Variants in CTNNA2 observed in about 807,000 individuals in gnomAD.
CTNNA2 encodes the protein catenin alpha 2, also known as catenin alpha-2.
CTNNA2 carries 42 observed loss-of-function variants against 101.0 expected under a neutral mutation model. That is an observed-to-expected ratio of 0.42 (90% CI 0.32 to 0.54). The LOEUF (loss-of-function observed/expected upper bound fraction) is 0.54, where lower values mean the gene tolerates loss of function less well. CTNNA2 is among the 20% of genes least tolerant of loss of function. CTNNA2 has a pLI of 0.14. For synonymous variants in CTNNA2, 450 were observed against 456.4 expected (o/e 0.99, Z 0.18); for missense variants, 871 against 1,223.1 (o/e 0.71, Z 4.29).
chr2:80,154,412 G>T (rs1279711551), intron 7 of CTNNA2, among the ~76,000 whole-genome samples: 1 of 152,154 alleles, frequency 6.6e-6, no homozygotes, highest in African/African-American at 2.4e-5. Flanking sequence ...GCTTATCACG[G>T]TGTGGGTTTC....
intron 3 of CTNNA2, among the ~76,000 whole-genome samples, chr2:79,353,503 G>C (rs1349593337): frequency 1.3e-5 from 2 of 151,900 alleles, no homozygotes; most frequent in Non-Finnish European, 2.9e-5. Flanking sequence ...CCTCTTTTTT[G>C]TTTACCATTT....
chr2:79,444,299 T>A (rs1019840952), intron 4 of CTNNA2, among the ~76,000 whole-genome samples: 1 of 152,130 alleles, frequency 6.6e-6, no homozygotes, highest in African/African-American at 2.4e-5. Context: ...GATATTTGAC[T>A]TTTTTCCCAA....
chr2:79,523,747 G>A (rs376276337), intron 1 of CTNNA2, among the ~76,000 whole-genome samples: 32 of 152,176 alleles, frequency 2.1e-4, no homozygotes, highest in African/African-American at 6.7e-4. Flanking sequence ...TTGCCAATAC[G>A]TGATAATTTT....
intron 9 of CTNNA2, among the ~76,000 whole-genome samples, chr2:80,480,054 A>G (rs1358144935): frequency 2.0e-5 from 3 of 152,194 alleles, no homozygotes; most frequent in Admixed American, 6.5e-5. Context: ...TTTTCCTTAC[A>G]TAATTTTCTA....
chr2:80,294,085 A>G (rs531731917), intron 7 of CTNNA2, among the ~76,000 whole-genome samples: 30 of 152,238 alleles, frequency 2.0e-4, no homozygotes, highest in African/African-American at 6.3e-4. Flanking sequence ...GACACAACCA[A>G]TCAGAGAAGG....
chr2:79,727,824 A>G (rs1359636078), intron 2 of CTNNA2, among the ~76,000 whole-genome samples: 2 of 146,114 alleles, frequency 1.4e-5, no homozygotes, highest in Admixed American at 7.1e-5. Context: ...GAGAATATGC[A>G]GTGTTTGGTT....
intron 2 of CTNNA2, among the ~76,000 whole-genome samples, chr2:79,206,254 A>T (rs1467098421): frequency 6.6e-6 from 1 of 152,008 alleles, no homozygotes; most frequent in East Asian, 1.9e-4. Flanking sequence ...GCAATTATGG[A>T]AAAAAAGTTT....
At chr2:80,185,699 T>A (rs1706079029) in intron 7 of CTNNA2, among the ~76,000 whole-genome samples, 1 of 152,178 alleles carries the variant, frequency 6.6e-6, no homozygotes, top group Admixed American at 6.5e-5. Context: ...GAGCGGCATG[T>A]TAAATGATCC....
intron 7 of CTNNA2, among the ~76,000 whole-genome samples, chr2:80,102,808 T>C (rs1471284793): frequency 1.3e-5 from 2 of 152,140 alleles, no homozygotes; most frequent in Non-Finnish European, 2.9e-5. Flanking sequence ...CACTGCACCC[T>C]GCCCTAGTCC....
chr2:79,373,664 G>A (rs551800250), intron 3 of CTNNA2, among the ~76,000 whole-genome samples: 1,822 of 54,264 alleles, frequency 0.034, 35 homozygotes, highest in African/African-American at 0.19. Context: ...TAACTCCCTG[G>A]AAGCATTTTT....
intron 7 of CTNNA2, among the ~76,000 whole-genome samples, chr2:80,345,387 A>G (rs1237994287): frequency 1.3e-5 from 2 of 152,056 alleles, no homozygotes; most frequent in Non-Finnish European, 2.9e-5. Flanking sequence ...CCAGCCCCTC[A>G]GTCTTTGCTC....
chr2:80,226,513 C>T (rs1032031586), intron 7 of CTNNA2, among the ~76,000 whole-genome samples: 8 of 152,190 alleles, frequency 5.3e-5, no homozygotes, highest in African/African-American at 1.7e-4. Flanking sequence ...TGGTGGTGTA[C>T]ATCTCTCGGA....
At chr2:80,068,061 C>T (rs1202487737) in intron 7 of CTNNA2, among the ~76,000 whole-genome samples, 1 of 152,178 alleles carries the variant, frequency 6.6e-6, no homozygotes, top group Non-Finnish European at 1.5e-5. Context: ...GCCTCTAAAT[C>T]GCAGGGTAAT....
intron 2 of CTNNA2, among the ~76,000 whole-genome samples, chr2:79,740,684 T>G (rs1180492655): frequency 6.6e-6 from 1 of 152,186 alleles, no homozygotes; most frequent in African/African-American, 2.4e-5. Flanking sequence ...AAATACATTT[T>G]AAGATTATTT....
intron 4 of CTNNA2, among the ~76,000 whole-genome samples, chr2:79,479,929 A>G (rs1232235938): frequency 6.6e-6 from 1 of 152,150 alleles, no homozygotes; most frequent in Non-Finnish European, 1.5e-5. Flanking sequence ...TCTCAAAAAA[A>G]AAAGAAGGAA....
chr2:79,436,274 G>C (rs931047548), intron 4 of CTNNA2, among the ~76,000 whole-genome samples: 1 of 152,192 alleles, frequency 6.6e-6, no homozygotes, highest in African/African-American at 2.4e-5. Flanking sequence ...GTGAATTAAA[G>C]TTCAAAGCAA....
chr2:79,552,227 A>G lies in CTNNA2; in HGVS notation c.-6+39020A>G, dbSNP rs183196051. 9.4e-4 allele frequency among the ~76,000 whole-genome samples: 143 copies of G among 152,324 alleles called. 1 individual carries two copies. The South Asian group carries it at 0.012, about 13-fold the overall frequency. On this transcript the variant is annotated intron_variant, in intron 1 of 18. Transcript: ENST00000402739. ...AAAAATCAGCCCAAACAAAGGGACTACAGGCCCCATGCAAGTCTGAAATCC... is the reference window on the plus strand; with the variant it reads ...AAAAATCAGCCCAAACAAAGGGACTGCAGGCCCCATGCAAGTCTGAAATCC...
intron 7 of CTNNA2, among the ~76,000 whole-genome samples, chr2:80,074,674 G>A (rs1017342026): frequency 2.0e-5 from 3 of 152,104 alleles, no homozygotes; most frequent in Admixed American, 6.5e-5. Context: ...TGTATTAGAC[G>A]CTGCTTAAAC....
At chr2:79,525,920 T>G (rs1340116675) in intron 1 of CTNNA2, among the ~76,000 whole-genome samples, 14 of 152,044 alleles carry the variant, frequency 9.2e-5, no homozygotes, top group Admixed American at 9.2e-4. Context: ...TCTAGTTTGC[T>G]TGAATAATTT....
Sources: allele counts gnomAD v4.1 joint callset (sites outside exome capture counted in the v4.1 genomes callset), GRCh38; gene constraint gnomAD v4.1.1; transcripts MANE v1.5; gene names NCBI Gene and HGNC (gene_info 2026-07-23, HGNC 2026-07-21).